Variants in PTCHD4 observed in about 807,000 individuals in gnomAD.
PTCHD4 encodes patched domain containing 4.
In PTCHD4, 33 loss-of-function variants were observed where a neutral mutation model predicts 58.1. The observed-to-expected ratio is 0.57, with a 90% CI of 0.43 to 0.76. PTCHD4 has a LOEUF of 0.76. PTCHD4 is among the 30% of genes least tolerant of loss of function. The probability of loss-of-function intolerance (pLI) is 0.00; values close to 1 mark genes in which losing one functional copy is unlikely to be tolerated. For missense variants in PTCHD4, 1,058 were observed against 1,027.1 expected (o/e 1.03, Z -0.41); for synonymous variants, 478 against 409.6 (o/e 1.17, Z -2.02).
chr6:47,961,610 A>G (rs1767096912), intron 4 of PTCHD4, among the ~76,000 whole-genome samples: 1 of 152,176 alleles, frequency 6.6e-6, no homozygotes, highest in Admixed American at 6.5e-5. Flanking sequence ...GTAAATTTCA[A>G]TGTAAAGAAT....
In PTCHD4 at chr6:47,878,231, G is replaced by A; in HGVS notation, c.*72C>T. On this transcript the variant is annotated 3_prime_UTR_variant, in exon 5 of 5. Transcript: ENST00000339488. ...ACCCCTGGCCAGCCCAAGCAGCTGA[G>A]GTCTGAGCTTTACTTGCCCTGCATC... 1 of 1,400,394 alleles carries A rather than the reference G, an allele frequency of 7.1e-7. No homozygotes were observed. Among genetic ancestry groups the A allele is most frequent in the African/African-American group, 1.4e-5 (1 of 69,428 alleles). 86.7% of individuals were successfully genotyped at this position (1,400,394 alleles called of 1,614,324 possible).
intron 4 of PTCHD4, among the ~76,000 whole-genome samples, chr6:47,963,705 A>G (rs996974639): frequency 2.6e-5 from 4 of 152,168 alleles, no homozygotes; most frequent in Non-Finnish European, 5.9e-5. Flanking sequence ...AACCTGGAGA[A>G]CATTATCTAA....
chr6:48,111,133 T>TACTTCTCTGCC lies in PTCHD4; in HGVS notation c.-1065_-1055dup, dbSNP rs1454366640. Among the ~76,000 whole-genome samples, 1 of 152,094 alleles carries TACTTCTCTGCC rather than the reference T, an allele frequency of 6.6e-6. No homozygotes were observed. The highest frequency in any genetic ancestry group is 1.5e-5 in the Non-Finnish European group (1 of 68,006). On this transcript the variant is annotated 5_prime_UTR_variant, in exon 1 of 5. It introduces an in-frame stop codon into an upstream open reading frame of the 5' UTR. Coordinates refer to ENST00000339488, the MANE Select transcript of PTCHD4 (RefSeq NM_001384253.1). Reference sequence around the variant, plus strand: ...GGGATTTCTTTTATTTCTTCTCTGCTACTTCTCTGCCATACTGTGGTTGGT... The same window carrying TACTTCTCTGCC: ...GGGATTTCTTTTATTTCTTCTCTGCTACTTCTCTGCCACTTCTCTGCCATACTGTGGTTGGT...
At chr6:48,032,122 A>G (rs1283907537) in intron 3 of PTCHD4, among the ~76,000 whole-genome samples, 1 of 152,028 alleles carries the variant, frequency 6.6e-6, no homozygotes, top group East Asian at 1.9e-4. Flanking sequence ...GACACATTGT[A>G]GAAAATTTAT....
intron 4 of PTCHD4, among the ~76,000 whole-genome samples, chr6:47,884,112 GTA>G (rs756859245): frequency 4.7e-4 from 70 of 150,124 alleles, no homozygotes; most frequent in African/African-American, 1.6e-3. Flanking sequence ...GTGTGTGTGT[GTA>G]TGTATGTATG....
chr6:48,065,684 T>C (rs1459480378), intron 3 of PTCHD4, among the ~76,000 whole-genome samples: 1 of 152,184 alleles, frequency 6.6e-6, no homozygotes, highest in Admixed American at 6.5e-5. Context: ...CCATTATGTA[T>C]TGCATGAGAT....
At chr6:48,029,030 A>G (rs984302260) in intron 3 of PTCHD4, among the ~76,000 whole-genome samples, 2 of 152,076 alleles carry the variant, frequency 1.3e-5, no homozygotes, top group Non-Finnish European at 1.5e-5. Context: ...GTATGACTAC[A>G]TGTTATTAAT....
At position 47,864,486 on chromosome 6, in the gene PTCHD4, G is replaced by C. The variant is rs1763506798; in HGVS notation, c.*13817C>G. Among the ~76,000 whole-genome samples the C allele has an allele frequency of 6.6e-6, 1 of 151,784 alleles. No individual in the cohort carries two copies. Among genetic ancestry groups the C allele is most frequent in the Admixed American group, 6.6e-5 (1 of 15,218 alleles). On this transcript the variant is annotated 3_prime_UTR_variant, in exon 5 of 5. Coordinates refer to ENST00000339488, the MANE Select transcript of PTCHD4 (RefSeq NM_001384253.1). ...TGAATGAAAGATTTGGAGAATAAAGGGGTTAATAGATAATTACATTTTTTT... is the reference window on the plus strand; with the variant it reads ...TGAATGAAAGATTTGGAGAATAAAGCGGTTAATAGATAATTACATTTTTTT...
At chr6:48,058,865 G>A (rs1305266112) in intron 3 of PTCHD4, among the ~76,000 whole-genome samples, 3 of 152,196 alleles carry the variant, frequency 2.0e-5, no homozygotes, top group Non-Finnish European at 4.4e-5. Flanking sequence ...AAAGGCAGAA[G>A]GGTCTATGTC....
rs564694802 is a variant in PTCHD4 at position 48,019,601 on chromosome 6, T to TG, written c.418-10488dup. 3.3e-3 allele frequency among the ~76,000 whole-genome samples: 497 copies of TG among 151,860 alleles called. 4 individuals carry two copies. Among genetic ancestry groups the TG allele is most frequent in the African/African-American group, 0.011 (455 of 41,378 alleles). On this transcript the variant is annotated intron_variant, in intron 3 of 4. Transcript: ENST00000339488. ...AATACAAAAAATTAGCTGGGCGTGG[T>TG]GGGGGGCTCCTGTAATTCCAGCTAC...
intron 1 of PTCHD4, among the ~76,000 whole-genome samples, chr6:48,074,968 C>T (rs1430092964): frequency 6.6e-6 from 1 of 151,940 alleles, no homozygotes; most frequent in Non-Finnish European, 1.5e-5. Flanking sequence ...AGGATATAAG[C>T]ATATCTTTAT....
intron 4 of PTCHD4, among the ~76,000 whole-genome samples, chr6:47,881,020 G>C (rs184297515): frequency 1.2e-3 from 184 of 152,198 alleles, no homozygotes; most frequent in African/African-American, 4.3e-3. Flanking sequence ...TGCCCTTGTG[G>C]GCATAGCAAT....
At chr6:47,964,761 C>T (rs948304678) in intron 4 of PTCHD4, among the ~76,000 whole-genome samples, 1 of 152,126 alleles carries the variant, frequency 6.6e-6, no homozygotes. Context: ...AACCAAAGTT[C>T]CACATTCTGT....
chr6:48,082,577 C>T (rs1477239932), intron 1 of PTCHD4, among the ~76,000 whole-genome samples: 1 of 152,274 alleles, frequency 6.6e-6, no homozygotes, highest in East Asian at 1.9e-4. Flanking sequence ...CCACATCTTC[C>T]TACTTTCAGT....
intron 1 of PTCHD4, among the ~76,000 whole-genome samples, chr6:48,089,152 G>A (rs1478969315): frequency 1.3e-5 from 2 of 152,192 alleles, no homozygotes; most frequent in Non-Finnish European, 2.9e-5. Context: ...AGTGAGATCA[G>A]TAGCAGCAAG....
In PTCHD4 at chr6:47,868,567, G is replaced by A. The variant is rs1206215090; in HGVS notation, c.*9736C>T. On this transcript the variant is annotated 3_prime_UTR_variant, in exon 5 of 5. Transcript: ENST00000339488. The stretch of plus-strand genomic sequence containing the variant: ...TGAACGTCTGCAAAGCAGACATTGT[G>A]TGCTTCATAGTTTGGCATGTCAGTT... Among the ~76,000 whole-genome samples, 1 of 151,778 alleles carries A rather than the reference G, an allele frequency of 6.6e-6. No homozygotes were observed. The highest frequency in any genetic ancestry group is 1.5e-5 in the Non-Finnish European group (1 of 67,810).
chr6:47,921,275 C>T (rs771507596), intron 4 of PTCHD4, among the ~76,000 whole-genome samples: 8 of 152,056 alleles, frequency 5.3e-5, no homozygotes, highest in South Asian at 2.1e-4. Flanking sequence ...CTTTGTTTTA[C>T]GCTTTTGGTT....
intron 4 of PTCHD4, among the ~76,000 whole-genome samples, chr6:47,886,776 G>T (rs1764206638): frequency 6.6e-6 from 1 of 152,176 alleles, no homozygotes; most frequent in Non-Finnish European, 1.5e-5. Context: ...TTTATCCATT[G>T]TTCCTTCTCT....
chr6:48,078,774 C>A lies in PTCHD4; in HGVS notation c.-969-8848G>T, dbSNP rs577064900. Among the ~76,000 whole-genome samples the A allele has an allele frequency of 1.1e-4, 17 of 152,072 alleles. No homozygotes were observed. The South Asian group carries it at 3.5e-3, about 32-fold the overall frequency. On this transcript the variant is annotated intron_variant, in intron 1 of 4. Transcript: ENST00000339488. ...TTCAAAGTACTCTAAAAATGTATCT[C>A]TTTCTTCTGGAAGAACCAGAATATA...
Sources: allele counts gnomAD v4.1 joint callset (sites outside exome capture counted in the v4.1 genomes callset), GRCh38; gene constraint gnomAD v4.1.1; transcripts MANE v1.5; gene names NCBI Gene and HGNC (gene_info 2026-07-23, HGNC 2026-07-21).